LDLRAD3: variants seen among roughly 807,000 people sequenced by gnomAD.
The protein encoded by LDLRAD3 is low density lipoprotein receptor class A domain containing 3.
LDLRAD3 carries 20 observed loss-of-function variants against 29.4 expected under a neutral mutation model. The observed-to-expected ratio is 0.68, with a 90% confidence interval of 0.48 to 0.99. The LOEUF (loss-of-function observed/expected upper bound fraction) is 0.99. LDLRAD3 is among the 50% of genes least tolerant of loss of function. LDLRAD3 has a pLI of 0.00. For synonymous variants in LDLRAD3, 157 were observed against 192.7 expected (o/e 0.81, Z 1.53); for missense variants, 420 against 454.3 (o/e 0.92, Z 0.69).
chr11:36,033,166 A>C (rs746794326), intron 1 of LDLRAD3, among the ~76,000 whole-genome samples: 7 of 152,106 alleles, frequency 4.6e-5, no homozygotes, highest in Admixed American at 6.6e-5. Flanking sequence ...AGCTACCGTT[A>C]CCGGCCCTCC....
chr11:36,122,279 T>C (rs2133297219), intron 4 of LDLRAD3, among the ~76,000 whole-genome samples: 2 of 152,130 alleles, frequency 1.3e-5, no homozygotes, highest in Admixed American at 6.5e-5. Context: ...GAACAATTTG[T>C]AGATGCCATC....
chr11:36,084,233 A>C (rs553733510), intron 3 of LDLRAD3, among the ~76,000 whole-genome samples: 1 of 152,270 alleles, frequency 6.6e-6, no homozygotes, highest in South Asian at 2.1e-4. Context: ...TCTGGTCTTT[A>C]ATTTTCTAAA....
intron 1 of LDLRAD3, among the ~76,000 whole-genome samples, chr11:36,018,782 C>G (rs764690674): frequency 1.3e-5 from 2 of 152,144 alleles, no homozygotes; most frequent in Non-Finnish European, 2.9e-5. Flanking sequence ...TTTTGCCAGT[C>G]GCATTGTTCT....
chr11:36,083,585 A>T (rs1326422112), intron 3 of LDLRAD3, among the ~76,000 whole-genome samples: 1 of 152,146 alleles, frequency 6.6e-6, no homozygotes. Flanking sequence ...ACAAAACTGT[A>T]AGAGAAGACC....
chr11:36,229,036 A>G (rs1350492888), intron 5 of LDLRAD3, 124 bp from the exon 6 acceptor site: 1 of 724,168 alleles, frequency 1.4e-6, no homozygotes, highest in Non-Finnish European at 2.5e-6. Context: ...TTGGAGGGAA[A>G]AATCTCATTT....
chr11:36,044,563 T>G (rs1852423082), intron 2 of LDLRAD3, among the ~76,000 whole-genome samples: 1 of 152,190 alleles, frequency 6.6e-6, no homozygotes, highest in South Asian at 2.1e-4. Context: ...TGCTCTTAGT[T>G]TGAGAGCCTG....
chr11:35,967,482 A>T, intron 1 of LDLRAD3: 1 of 358,564 alleles, frequency 2.8e-6, no homozygotes, highest in Non-Finnish European at 5.4e-6. Flanking sequence ...AGGTACTAAT[A>T]ATCCTCTTGC....
chr11:36,159,246 C>T (rs111848727), intron 4 of LDLRAD3, among the ~76,000 whole-genome samples: 16 of 152,080 alleles, frequency 1.1e-4, no homozygotes, highest in African/African-American at 3.6e-4. Flanking sequence ...GCCGAAGCAT[C>T]GCTTGAGCCC....
chr11:36,172,148 G>A (rs1266807095), intron 4 of LDLRAD3, among the ~76,000 whole-genome samples: 2 of 152,136 alleles, frequency 1.3e-5, no homozygotes, highest in Non-Finnish European at 2.9e-5. Context: ...GTGTATAGCA[G>A]TACTTCTGAT....
chr11:36,145,864 A>G (rs1854184133), intron 4 of LDLRAD3, among the ~76,000 whole-genome samples: 2 of 151,850 alleles, frequency 1.3e-5, no homozygotes, highest in African/African-American at 4.8e-5. Flanking sequence ...GGACACAAAC[A>G]CTGCGGAAGG....
chr11:35,967,930 C>A, intron 1 of LDLRAD3: 1 of 391,124 alleles, frequency 2.6e-6, no homozygotes, highest in Non-Finnish European at 5.0e-6. Context: ...ATAAACTTCA[C>A]GCAAAGCCAA....
chr11:36,126,615 T>C (rs1373751119), intron 4 of LDLRAD3, among the ~76,000 whole-genome samples: 1 of 152,190 alleles, frequency 6.6e-6, no homozygotes, highest in Non-Finnish European at 1.5e-5. Context: ...CCATCAGGGC[T>C]ATCAGCCTTG....
At chr11:36,009,281 C>A (rs1033087455) in intron 1 of LDLRAD3, among the ~76,000 whole-genome samples, 4 of 152,110 alleles carry the variant, frequency 2.6e-5, no homozygotes, top group African/African-American at 9.7e-5. Context: ...TGAGACAGAC[C>A]TTTTAATAGT....
intron 4 of LDLRAD3, among the ~76,000 whole-genome samples, chr11:36,111,370 G>A (rs1853602865): frequency 6.6e-6 from 1 of 152,008 alleles, no homozygotes; most frequent in African/African-American, 2.4e-5. Flanking sequence ...TCCAACAAGT[G>A]GCTTGAAAAA....
At chr11:36,021,191 G>A (rs754213365) in intron 1 of LDLRAD3, among the ~76,000 whole-genome samples, 2 of 152,200 alleles carry the variant, frequency 1.3e-5, no homozygotes, top group East Asian at 1.9e-4. Flanking sequence ...GGAGGATGTC[G>A]TTGAAGGGAA....
intron 4 of LDLRAD3, among the ~76,000 whole-genome samples, chr11:36,149,525 A>C (rs117575557): frequency 0.018 from 2,680 of 152,338 alleles, 37 homozygotes; most frequent in Admixed American, 0.039. Context: ...CTGTCCCTGC[A>C]CAGCAGTGTT....
chr11:36,034,392 G>C (rs1852277985), intron 1 of LDLRAD3, among the ~76,000 whole-genome samples: 3 of 152,074 alleles, frequency 2.0e-5, no homozygotes, highest in African/African-American at 7.2e-5. Flanking sequence ...TGGAGAGTCG[G>C]GGACTGGCCA....
At chr11:36,011,910 G>A (rs1330631320) in intron 1 of LDLRAD3, among the ~76,000 whole-genome samples, 2 of 152,148 alleles carry the variant, frequency 1.3e-5, no homozygotes, top group Non-Finnish European at 2.9e-5. Context: ...TCTGAGTGGC[G>A]GCCTGTCACC....
intron 2 of LDLRAD3, among the ~76,000 whole-genome samples, chr11:36,073,789 G>A (rs1231241412): frequency 6.6e-6 from 1 of 152,210 alleles, no homozygotes; most frequent in East Asian, 1.9e-4. Flanking sequence ...TTGAATGATG[G>A]CTAATTCGTT....
Sources: gnomAD v4.1 joint callset for allele counts (sites outside exome capture counted in the v4.1 genomes callset) on GRCh38, gnomAD v4.1.1 for gene constraint, MANE v1.5 for transcripts, NCBI Gene and HGNC (gene_info 2026-07-23, HGNC 2026-07-21) for gene names.